The following CRY2 variants were observed in gnomAD, a reference collection of about 807,000 sequenced individuals.
The protein encoded by CRY2 is cryptochrome circadian regulator 2.
Under a neutral mutation model 69.5 loss-of-function variants are expected in CRY2, and 31 were observed. The observed-to-expected ratio is 0.45, with a 90% CI of 0.34 to 0.60. The LOEUF is 0.60. Among genes scored for constraint, CRY2 ranks in the 20% least tolerant of loss-of-function variants. CRY2 has a pLI of 0.02. For missense variants in CRY2, 606 were observed against 797.8 expected (o/e 0.76, Z 2.90); for synonymous variants, 303 against 312.2 (o/e 0.97, Z 0.31).
intron 5 of CRY2, among the ~76,000 whole-genome samples, chr11:45,863,460 G>A (rs1012550431): frequency 6.6e-6 from 1 of 151,924 alleles, no homozygotes; most frequent in Non-Finnish European, 1.5e-5. Flanking sequence ...GACATATTCA[G>A]ACTCAGTGGT....
Position 45,847,483 on chromosome 11 carries a change from G to A in CRY2, c.-8G>A. Reference sequence around the variant, plus strand: ...GGAGCGGGGGTGGCTGGAGCAGTCTGGACAGTCATGGCGGCGACTGTGGCG... The same window carrying A: ...GGAGCGGGGGTGGCTGGAGCAGTCTAGACAGTCATGGCGGCGACTGTGGCG... On this transcript the variant is annotated 5_prime_UTR_variant, in exon 1 of 12. Coordinates refer to ENST00000616080, the MANE Select transcript of CRY2 (RefSeq NM_021117.5). 2 of 1,600,662 alleles carry A rather than the reference G, an allele frequency of 1.2e-6. No homozygotes were observed. The highest frequency in any genetic ancestry group is 1.7e-6 in the Non-Finnish European group (2 of 1,177,268).
At chr11:45,863,614 C>T (rs2086306057) in intron 5 of CRY2, among the ~76,000 whole-genome samples, 2 of 150,406 alleles carry the variant, frequency 1.3e-5, no homozygotes, top group Non-Finnish European at 3.0e-5. Context: ...GCCAGTTTAG[C>T]AATACTAGAT....
chr11:45,870,045 C>G lies in CRY2; in HGVS notation c.1195-8C>G, dbSNP rs377080725. The G allele has an allele frequency of 8.2e-6, 13 of 1,590,182 alleles. No homozygotes were observed. In the African/African-American group the frequency reaches 1.6e-4, roughly 20 times the overall value. On this transcript the variant is annotated splice_polypyrimidine_tract_variant and splice_region_variant and intron_variant, in intron 7 of 11. Coordinates refer to ENST00000616080, the MANE Select transcript of CRY2 (RefSeq NM_021117.5). ...CCAAGGAGGCTGATCATCCCCTCCCCTATCTAGGTATTTGATGAGCTGCTC... is the reference window on the plus strand; with the variant it reads ...CCAAGGAGGCTGATCATCCCCTCCCGTATCTAGGTATTTGATGAGCTGCTC...
At chr11:45,858,306 C>A in intron 2 of CRY2, 1 of 165,664 alleles carries the variant, frequency 6.0e-6, no homozygotes, top group South Asian at 1.6e-4. Flanking sequence ...AAAACTAGGC[C>A]ACAAGTCTGC....
At position 45,867,685 on chromosome 11, in the gene CRY2, C is replaced by T. The variant is rs2086342377; in HGVS notation, c.815C>T (p.Pro272Leu). The T allele has an allele frequency of 6.2e-7, 1 of 1,614,190 alleles. No homozygotes were observed. Among genetic ancestry groups the T allele is most frequent in the Non-Finnish European group, 8.5e-7 (1 of 1,180,030 alleles). ...SLLASPTGLSPYLRFGCLSCR... is the reference protein window; with the variant it reads ...SLLASPTGLSLYLRFGCLSCR... ...CTGGCCAGCCCCACAGGCCTCAGCCCCTACCTGCGCTTTGGTTGTCTCTCC... is the reference window on the plus strand; with the variant it reads ...CTGGCCAGCCCCACAGGCCTCAGCCTCTACCTGCGCTTTGGTTGTCTCTCC... Residue 272 changes from proline to leucine, a missense_variant, in exon 6 of 12, where the codon CCC (proline) becomes CTC (leucine). Around this residue, in one of 5 missense-constraint regions of CRY2, gnomAD observed 382 missense variants for 508.9 expected, o/e 0.75. Coordinates refer to ENST00000616080, the MANE Select transcript of CRY2 (RefSeq NM_021117.5).
intron 8 of CRY2, 32 bp from the exon 9 acceptor site, chr11:45,870,298 G>A: frequency 6.2e-7 from 1 of 1,613,998 alleles, no homozygotes; most frequent in Non-Finnish European, 8.5e-7. Context: ...GTCTGGGTAT[G>A]CTGATGGGTC....
intron 5 of CRY2, among the ~76,000 whole-genome samples, chr11:45,864,377 C>T (rs1233254121): frequency 1.3e-5 from 2 of 152,164 alleles, no homozygotes; most frequent in African/African-American, 2.4e-5. Flanking sequence ...AATCTTAGCA[C>T]TTTGGGAGGC....
At chr11:45,877,557 G>C (rs914708379) in intron 11 of CRY2, among the ~76,000 whole-genome samples, 6 of 152,258 alleles carry the variant, frequency 3.9e-5, no homozygotes, top group Non-Finnish European at 7.3e-5. Context: ...GTTGCAGAGG[G>C]AGACAGTCGT....
intron 3 of CRY2, among the ~76,000 whole-genome samples, chr11:45,859,867 A>G (rs1246280054): frequency 6.6e-6 from 1 of 152,152 alleles, no homozygotes; most frequent in Non-Finnish European, 1.5e-5. Context: ...CCAAGAAGCC[A>G]GGTCACACAG....
chr11:45,858,175 G>A (rs2086257603), intron 2 of CRY2: 1 of 152,306 alleles, frequency 6.6e-6, no homozygotes, highest in South Asian at 2.1e-4. Context: ...TCCAGACTAA[G>A]GATCGCTTCC....
At position 45,856,025 on chromosome 11, in the gene CRY2, A is replaced by G. The variant is rs1251874608; in HGVS notation, c.259A>G (p.Lys87Glu). Residue 87 changes from lysine to glutamate, a missense_variant, in exon 2 of 12, where the codon AAA (lysine) becomes GAA (glutamate). By Grantham distance (56) the Lys-to-Glu change is moderately conservative. Transcript: ENST00000616080. ...SLEDLDTSLRKLNSRLFVVRG... is the reference protein window; with the variant it reads ...SLEDLDTSLRELNSRLFVVRG... ...GGAAGATTTGGACACAAGTTTAAGGAAACTGAACTCCCGCCTGTTTGTAGT... is the reference window on the plus strand; with the variant it reads ...GGAAGATTTGGACACAAGTTTAAGGGAACTGAACTCCCGCCTGTTTGTAGT... 1 of 1,614,088 alleles carries G rather than the reference A, an allele frequency of 6.2e-7. No individual in the cohort carries two copies. The highest frequency in any genetic ancestry group is 1.7e-5 in the Admixed American group (1 of 60,004).
Position 45,855,857 on chromosome 11 carries a change from C to A in CRY2, c.216-125C>A. On this transcript the variant is annotated intron_variant, in intron 1 of 11. Transcript: ENST00000616080. ...TCCTGGGCTGGAACCCAGGCCTCTC[C>A]AGCCCTAGTGATCATGAGGCTGCCT... 8.4e-6 allele frequency: 7 copies of A among 837,122 alleles called. No homozygotes were observed. In the South Asian group the frequency reaches 9.7e-5, roughly 12 times the overall value. 51.9% of individuals were successfully genotyped at this position (837,122 alleles called of 1,614,324 possible). A position where few individuals can be genotyped will look rare whatever the true frequency, so the allele number is the denominator to read the frequency against.
At position 45,882,062 on chromosome 11, in the gene CRY2, A is replaced by C. The variant is rs2292910; in HGVS notation, c.*1151A>C. The C allele has an allele frequency of 0.65, 99,192 of 152,180 alleles. 32,799 individuals are homozygous for C. Among genetic ancestry groups the C allele is most frequent in the Admixed American group, 0.72 (11,017 of 15,294 alleles). The allele number at this position is 152,180 out of a possible 1,614,324, so 9.4% of individuals were successfully genotyped here. Reference sequence around the variant, plus strand: ...AAGTCCAAGTAGAGATTACACCCAGAACACCATTCCTTCCAGGAGCAGTAG... The same window carrying C: ...AAGTCCAAGTAGAGATTACACCCAGCACACCATTCCTTCCAGGAGCAGTAG... On this transcript the variant is annotated 3_prime_UTR_variant, in exon 12 of 12. Coordinates refer to ENST00000616080, the MANE Select transcript of CRY2 (RefSeq NM_021117.5).
chr11:45,872,280 TG>T lies in CRY2; in HGVS notation c.*2+54del, dbSNP rs142171546. 5.9e-4 allele frequency: 935 copies of T among 1,571,900 alleles called. 8 individuals carry two copies. In the African/African-American group the frequency reaches 9.0e-3, roughly 15 times the overall value. On this transcript the variant is annotated intron_variant, in intron 11 of 11. Transcript: ENST00000616080. ...TCAACCTCAGGAAGGAAGTTGGGAGTGGGGGGGCCTACTGCCCTGCCAGCTG... is the reference window on the plus strand; with the variant it reads ...TCAACCTCAGGAAGGAAGTTGGGAGTGGGGGGCCTACTGCCCTGCCAGCTG...
At chr11:45,849,729 T>G (rs1340060353) in intron 1 of CRY2, among the ~76,000 whole-genome samples, 1 of 151,898 alleles carries the variant, frequency 6.6e-6, no homozygotes, top group Non-Finnish European at 1.5e-5. Context: ...CAAGCAATTC[T>G]CCTGCCTCAG....
intron 11 of CRY2, among the ~76,000 whole-genome samples, chr11:45,877,954 G>C (rs1183539156): frequency 1.3e-5 from 2 of 152,190 alleles, no homozygotes; most frequent in African/African-American, 2.4e-5. Context: ...AGAGGGACTT[G>C]GGTGACTAGG....
chr11:45,848,418 A>G (rs1034036443), intron 1 of CRY2, among the ~76,000 whole-genome samples: 1 of 152,162 alleles, frequency 6.6e-6, no homozygotes, highest in African/African-American at 2.4e-5. Context: ...GAAAAATTTA[A>G]AAGAATCCAA....
At chr11:45,849,446 A>G (rs915638828) in intron 1 of CRY2, among the ~76,000 whole-genome samples, 10 of 152,334 alleles carry the variant, frequency 6.6e-5, no homozygotes, top group African/African-American at 1.9e-4. Flanking sequence ...TCTGTGCTCC[A>G]GAACTCCTGG....
chr11:45,869,484 A>T (rs773126556), intron 6 of CRY2, 22 bp from the exon 7 acceptor site: 2 of 1,587,118 alleles, frequency 1.3e-6, no homozygotes, highest in Middle Eastern at 1.7e-4. Context: ...GTTTGTATCC[A>T]TGTGCCACCC....
Sources: gnomAD v4.1 joint callset for allele counts (sites outside exome capture counted in the v4.1 genomes callset) on GRCh38, gnomAD v4.1.1 for gene constraint, gnomAD v4.1.1 regional missense constraint, MANE v1.5 for transcripts, NCBI Gene and HGNC (gene_info 2026-07-23, HGNC 2026-07-21) for gene names.